The following GRXCR1 variants were observed in gnomAD, a reference collection of about 807,000 sequenced individuals.
GRXCR1 encodes glutaredoxin domain-containing cysteine-rich protein 1.
GRXCR1 carries 27 observed loss-of-function variants against 27.3 expected under a neutral mutation model. That is an observed-to-expected ratio of 0.99 (90% CI 0.73 to 1.37). The LOEUF (loss-of-function observed/expected upper bound fraction) is 1.37. Ranked by LOEUF, GRXCR1 falls within the 40% of genes most tolerant of loss-of-function variation. The pLI, the probability that GRXCR1 is intolerant of heterozygous loss-of-function variation, is 0.00. For missense variants in GRXCR1, 379 were observed against 354.4 expected (o/e 1.07, Z -0.56); for synonymous variants, 122 against 131.1 (o/e 0.93, Z 0.47).
chr4:42,940,528 C>G (rs1299117739), intron 1 of GRXCR1, among the ~76,000 whole-genome samples: 1 of 152,028 alleles, frequency 6.6e-6, no homozygotes, highest in African/African-American at 2.4e-5. Context: ...TATTAAGTTT[C>G]AATGACTGTG....
intron 2 of GRXCR1, among the ~76,000 whole-genome samples, chr4:42,971,990 C>G (rs937618419): frequency 3.3e-5 from 5 of 152,070 alleles, no homozygotes; most frequent in African/African-American, 1.2e-4. Flanking sequence ...TCTCTGACTC[C>G]AGCTCAAGCG....
intron 1 of GRXCR1, among the ~76,000 whole-genome samples, chr4:42,948,608 AC>A (rs1747802612): frequency 1.3e-5 from 2 of 150,600 alleles, no homozygotes; most frequent in African/African-American, 2.4e-5. Context: ...CCCCGCCCCC[AC>A]CCGCACCCTG....
At chr4:42,962,848 A>G (rs966230282) in intron 1 of GRXCR1, 44 bp from the exon 2 acceptor site, 1 of 1,610,028 alleles carries the variant, frequency 6.2e-7, no homozygotes, top group South Asian at 1.1e-5. Flanking sequence ...AAGACACAAG[A>G]AAGTAAAAGC....
intron 1 of GRXCR1, among the ~76,000 whole-genome samples, chr4:42,949,374 A>C (rs1463100723): frequency 6.9e-6 from 1 of 144,260 alleles, no homozygotes; most frequent in African/African-American, 2.6e-5. Context: ...AAAAAAAAAA[A>C]AACAACTTTA....
At chr4:42,990,907 C>A (rs68136012) in intron 2 of GRXCR1, among the ~76,000 whole-genome samples, 58,150 of 151,898 alleles carry the variant, frequency 0.38, 11,312 homozygotes, top group African/African-American at 0.44. Flanking sequence ...TTCAAATATT[C>A]TGTATTTTAA....
intron 3 of GRXCR1, among the ~76,000 whole-genome samples, chr4:43,025,029 A>G (rs1560692290): frequency 6.6e-6 from 1 of 152,128 alleles, no homozygotes. Context: ...TAAGAGCTTC[A>G]TTTCCTGATC....
chr4:42,899,941 G>A (rs1182643226), intron 1 of GRXCR1, among the ~76,000 whole-genome samples: 1 of 152,098 alleles, frequency 6.6e-6, no homozygotes, highest in Non-Finnish European at 1.5e-5. Flanking sequence ...AATATGACTT[G>A]AAACTGCTTA....
At chr4:42,968,101 T>C (rs1020811300) in intron 2 of GRXCR1, among the ~76,000 whole-genome samples, 1 of 152,082 alleles carries the variant, frequency 6.6e-6, no homozygotes, top group Non-Finnish European at 1.5e-5. Context: ...TGAAGCTCTT[T>C]ACTCTCTAAA....
At chr4:42,976,858 A>G (rs556240229) in intron 2 of GRXCR1, among the ~76,000 whole-genome samples, 2 of 152,042 alleles carry the variant, frequency 1.3e-5, no homozygotes, top group East Asian at 3.9e-4. Flanking sequence ...CGAGAATGCA[A>G]CGTATTGTTA....
intron 1 of GRXCR1, among the ~76,000 whole-genome samples, chr4:42,932,793 A>G (rs886151743): frequency 6.6e-6 from 1 of 151,188 alleles, no homozygotes; most frequent in African/African-American, 2.4e-5. Flanking sequence ...TACAGCCAAG[A>G]CCAAGGCCAA....
At chr4:43,008,385 G>A (rs1416889981) in intron 2 of GRXCR1, among the ~76,000 whole-genome samples, 2 of 152,166 alleles carry the variant, frequency 1.3e-5, no homozygotes, top group African/African-American at 2.4e-5. Context: ...AGGGAAATAG[G>A]AGATGCACAG....
At position 42,892,805 on chromosome 4, in the gene GRXCR1, G is replaced by A. The variant is rs374281481; in HGVS notation, c.-462G>A. Among the ~76,000 whole-genome samples the A allele has an allele frequency of 3.3e-5, 5 of 152,074 alleles. No homozygotes were observed. Among genetic ancestry groups the A allele is most frequent in the Non-Finnish European group, 5.9e-5 (4 of 67,992 alleles). ...TAAGTCCTGTGAGAAAACTGTGACT[G>A]CTCTTATCCTACAAACTTGGTTCCA... On this transcript the variant is annotated 5_prime_UTR_variant, in exon 1 of 4. Coordinates refer to ENST00000399770, the MANE Select transcript of GRXCR1 (RefSeq NM_001080476.3).
intron 1 of GRXCR1, among the ~76,000 whole-genome samples, chr4:42,923,233 T>C (rs572678617): frequency 2.0e-5 from 3 of 152,248 alleles, no homozygotes; most frequent in Non-Finnish European, 1.5e-5. Context: ...TCTGTCCCCC[T>C]TACCTTCTGC....
intron 2 of GRXCR1, among the ~76,000 whole-genome samples, chr4:42,991,430 ATATC>A (rs1162911609): frequency 1.3e-5 from 2 of 151,080 alleles, no homozygotes; most frequent in Non-Finnish European, 2.9e-5. Context: ...TTATACATAT[ATATC>A]TATATATACC....
chr4:42,943,993 C>T (rs1251697319), intron 1 of GRXCR1, among the ~76,000 whole-genome samples: 1 of 151,948 alleles, frequency 6.6e-6, no homozygotes, highest in African/African-American at 2.4e-5. Context: ...GTATCAGTGA[C>T]AAAGACAGCA....
At chr4:42,924,541 A>G (rs1276266885) in intron 1 of GRXCR1, among the ~76,000 whole-genome samples, 2 of 152,018 alleles carry the variant, frequency 1.3e-5, no homozygotes, top group Non-Finnish European at 2.9e-5. Flanking sequence ...ATCCAAACCA[A>G]TTTTCTAGTC....
At chr4:42,965,414 A>C (rs1416473651) in intron 2 of GRXCR1, among the ~76,000 whole-genome samples, 1 of 152,040 alleles carries the variant, frequency 6.6e-6, no homozygotes, top group South Asian at 2.1e-4. Context: ...CAAAACAACG[A>C]ATTCTCCTCC....
At chr4:43,030,225 T>C in intron 3 of GRXCR1, 136 bp from the exon 4 acceptor site, 2 of 743,272 alleles carry the variant, frequency 2.7e-6, no homozygotes, top group Admixed American at 4.0e-5. Context: ...TAATGGTAGG[T>C]GAATTCAAGT....
chr4:42,922,998 A>G (rs1747055320), intron 1 of GRXCR1, among the ~76,000 whole-genome samples: 1 of 152,076 alleles, frequency 6.6e-6, no homozygotes, highest in Non-Finnish European at 1.5e-5. Flanking sequence ...ATAGTCACTG[A>G]CATCAGATCT....
Sources: allele counts gnomAD v4.1 joint callset (sites outside exome capture counted in the v4.1 genomes callset), GRCh38; gene constraint gnomAD v4.1.1; transcripts MANE v1.5; gene names NCBI Gene and HGNC (gene_info 2026-07-23, HGNC 2026-07-21).